The following VPS50 variants were observed in gnomAD, a reference collection of about 807,000 sequenced individuals.
VPS50 encodes syndetin.
A neutral mutation model predicts 139.7 loss-of-function variants in VPS50; 70 were observed. The ratio of observed to expected loss-of-function variants is 0.50; its 90% CI spans 0.41 to 0.61. The LOEUF (loss-of-function observed/expected upper bound fraction) is 0.61. Ranked by LOEUF, VPS50 falls within the 20% of genes least tolerant of loss-of-function variation. The pLI, the probability that VPS50 is intolerant of heterozygous loss-of-function variation, is 0.00. For missense variants in VPS50, 921 were observed against 1,133.7 expected, an observed-to-expected ratio of 0.81 and a Z score of 2.69; for synonymous variants, 365 against 376.7, an observed-to-expected ratio of 0.97 and a Z score of 0.36.
In VPS50 at chr7:93,297,582, TAAATC is replaced by T. The variant is rs1796847540; in HGVS notation, c.1361+341_1361+345del. 2.6e-5 allele frequency among the ~76,000 whole-genome samples: 4 copies of T among 152,258 alleles called. No homozygotes were observed. In the South Asian group the frequency reaches 8.3e-4, roughly 32 times the overall value. On this transcript the variant is annotated intron_variant, in intron 16 of 27. Coordinates refer to ENST00000305866, the MANE Select transcript of VPS50 (RefSeq NM_017667.4). Reference sequence around the variant, plus strand: ...CATATGGGTGTGCTTATAAGGAAGTTAAATCAGTAGAGGCAGTGCTCAGTGAGGGG... The same window carrying T: ...CATATGGGTGTGCTTATAAGGAAGTTAGTAGAGGCAGTGCTCAGTGAGGGG...
chr7:93,235,088 A>G (rs1794760439), intron 1 of VPS50, among the ~76,000 whole-genome samples: 1 of 152,202 alleles, frequency 6.6e-6, no homozygotes, highest in Non-Finnish European at 1.5e-5. Context: ...CAGAGAAGGT[A>G]ATATAAAAAA....
At position 93,343,661 on chromosome 7, in the gene VPS50, A is replaced by G. The variant is rs528134152; in HGVS notation, c.2207+2086A>G. Among the ~76,000 whole-genome samples, 6 of 152,362 alleles carry G rather than the reference A, an allele frequency of 3.9e-5. No homozygotes were observed. In the South Asian group the frequency reaches 1.2e-3, roughly 32 times the overall value. ...CGGCAGAAACTCTACAAGCCAGAAG[A>G]GAGTAGGGGCCAATATTCAACATTC... is the stretch of plus-strand genomic sequence containing the variant. On this transcript the variant is annotated intron_variant, in intron 23 of 27. Coordinates refer to ENST00000305866, the MANE Select transcript of VPS50 (RefSeq NM_017667.4).
chr7:93,292,896 G>A (rs937460916), intron 13 of VPS50, among the ~76,000 whole-genome samples: 3 of 152,080 alleles, frequency 2.0e-5, no homozygotes, highest in Non-Finnish European at 4.4e-5. Flanking sequence ...AGGATTCCAG[G>A]TCAGACTACT....
intron 9 of VPS50, among the ~76,000 whole-genome samples, chr7:93,268,149 C>T (rs1293755074): frequency 6.6e-6 from 1 of 152,114 alleles, no homozygotes; most frequent in East Asian, 1.9e-4. Flanking sequence ...ACTGTGTCTG[C>T]CAAATCATAT....
At chr7:93,333,232 C>T (rs182418777) in intron 21 of VPS50, among the ~76,000 whole-genome samples, 50 of 151,486 alleles carry the variant, frequency 3.3e-4, no homozygotes, top group African/African-American at 1.0e-3. Flanking sequence ...ACTATTTTCA[C>T]GTAAGACTCT....
chr7:93,340,333 G>A (rs952901751), intron 22 of VPS50, among the ~76,000 whole-genome samples: 19 of 152,262 alleles, frequency 1.2e-4, no homozygotes, highest in Admixed American at 9.8e-4. Context: ...GGAGTGATTG[G>A]TAACTCTTGA....
At chr7:93,334,630 G>A (rs1366355850) in intron 22 of VPS50, among the ~76,000 whole-genome samples, 1 of 152,188 alleles carries the variant, frequency 6.6e-6, no homozygotes, top group African/African-American at 2.4e-5. Flanking sequence ...ATATGCTGCC[G>A]AGTTAGGTTG....
intron 9 of VPS50, among the ~76,000 whole-genome samples, chr7:93,266,173 A>C (rs1229752468): frequency 6.6e-6 from 1 of 152,216 alleles, no homozygotes; most frequent in Non-Finnish European, 1.5e-5. Flanking sequence ...ATAAACTTGG[A>C]AGTACATTTA....
intron 12 of VPS50, 112 bp from the exon 13 acceptor site, chr7:93,291,591 A>G: frequency 1.7e-6 from 1 of 602,168 alleles, no homozygotes; most frequent in Non-Finnish European, 2.6e-6. Context: ...CAGTTGAAGA[A>G]ATTTTCTTGG....
intron 9 of VPS50, among the ~76,000 whole-genome samples, chr7:93,270,285 T>C (rs964222327): frequency 1.3e-5 from 2 of 152,084 alleles, no homozygotes; most frequent in East Asian, 3.9e-4. Context: ...CCCCACAAAC[T>C]TCTCGCATGT....
At chr7:93,294,100 A>G (rs761248759) in intron 13 of VPS50, among the ~76,000 whole-genome samples, 1 of 152,246 alleles carries the variant, frequency 6.6e-6, no homozygotes. Context: ...ACTATTATTT[A>G]TCATGAAAAA....
At chr7:93,232,742 AG>A (rs1450821693) in intron 1 of VPS50, among the ~76,000 whole-genome samples, 7 of 152,160 alleles carry the variant, frequency 4.6e-5, no homozygotes, top group Admixed American at 1.3e-4. Context: ...TGAAGGAATC[AG>A]GGTATCTTTG....
At chr7:93,314,308 C>T (rs992200196) in intron 20 of VPS50, among the ~76,000 whole-genome samples, 1 of 152,168 alleles carries the variant, frequency 6.6e-6, no homozygotes, top group Non-Finnish European at 1.5e-5. Flanking sequence ...GTAGTATTTA[C>T]TTGGCAGATA....
intron 8 of VPS50, 87 bp downstream of exon 8, chr7:93,258,479 A>G (rs1795560483): frequency 1.0e-6 from 1 of 985,880 alleles, no homozygotes; most frequent in Non-Finnish European, 1.6e-6. Flanking sequence ...ATTTTTCTCA[A>G]ATGGGTTTAT....
At chr7:93,317,892 T>C (rs960670556) in intron 20 of VPS50, among the ~76,000 whole-genome samples, 3 of 152,178 alleles carry the variant, frequency 2.0e-5, no homozygotes, top group African/African-American at 7.2e-5. Context: ...AAGTCATAAG[T>C]GCAGTCTTAC....
In VPS50 at chr7:93,334,076, A is replaced by G. The variant is rs1015003103; in HGVS notation, c.1978-41A>G. On this transcript the variant is annotated intron_variant, in intron 21 of 27. Transcript: ENST00000305866. ...AATTTGAAGATGTAACATTTGCAAG[A>G]TGATCTTTAGAACGATATAACAAGC... 6 of 1,066,480 alleles carry G rather than the reference A, an allele frequency of 5.6e-6. No individual in the cohort carries two copies. The African/African-American group carries it at 6.3e-5, about 11-fold the overall frequency. The allele number at this position is 1,066,480 out of a possible 1,614,324, so 66.1% of individuals were successfully genotyped here.
intron 4 of VPS50, among the ~76,000 whole-genome samples, chr7:93,256,192 A>G (rs1795477799): frequency 6.6e-6 from 1 of 152,176 alleles, no homozygotes; most frequent in Non-Finnish European, 1.5e-5. Context: ...ATCAAATCCT[A>G]TTCCCTTAAA....
At chr7:93,289,291 G>A (rs906635477) in intron 12 of VPS50, among the ~76,000 whole-genome samples, 4 of 152,064 alleles carry the variant, frequency 2.6e-5, no homozygotes, top group Non-Finnish European at 4.4e-5. Flanking sequence ...GCTTTTCTGT[G>A]TTGAAGGGCC....
At chr7:93,294,884 T>C (rs1018810211) in intron 14 of VPS50, among the ~76,000 whole-genome samples, 31 of 152,188 alleles carry the variant, frequency 2.0e-4, no homozygotes, top group African/African-American at 7.2e-4. Context: ...TCTTTTGTTT[T>C]AGAGGCCTAG....
Sources: gnomAD v4.1 joint callset for allele counts (sites outside exome capture counted in the v4.1 genomes callset) on GRCh38, gnomAD v4.1.1 for gene constraint, MANE v1.5 for transcripts, NCBI Gene and HGNC (gene_info 2026-07-23, HGNC 2026-07-21) for gene names.